The following PDGFC variants were observed in gnomAD, a reference collection of about 807,000 sequenced individuals.
PDGFC encodes the protein platelet-derived growth factor C.
A neutral mutation model predicts 35.5 loss-of-function variants in PDGFC; 12 were observed. That is an observed-to-expected ratio of 0.34 (90% CI 0.22 to 0.55). PDGFC has a LOEUF of 0.55. Among genes scored for constraint, PDGFC ranks in the 20% least tolerant of loss-of-function variants. The pLI, the probability that PDGFC is intolerant of heterozygous loss-of-function variation, is 0.91. For missense variants in PDGFC, 322 were observed against 412.4 expected, an observed-to-expected ratio of 0.78 and a Z score of 1.90; for synonymous variants, 159 against 148.8, an observed-to-expected ratio of 1.07 and a Z score of -0.50.
At chr4:156,950,766 T>C (rs1463745557) in intron 1 of PDGFC, among the ~76,000 whole-genome samples, 1 of 151,780 alleles carries the variant, frequency 6.6e-6, no homozygotes, top group Non-Finnish European at 1.5e-5. Context: ...AACTTCCAAA[T>C]GTTTATAATT....
chr4:156,897,133 G>A (rs773502763), intron 1 of PDGFC, among the ~76,000 whole-genome samples: 7 of 152,168 alleles, frequency 4.6e-5, no homozygotes, highest in Non-Finnish European at 1.0e-4. Flanking sequence ...ATTTGGGGAT[G>A]AAGAGGCAGT....
intron 1 of PDGFC, among the ~76,000 whole-genome samples, chr4:156,924,402 C>CA (rs775750430): frequency 3.2e-4 from 49 of 152,198 alleles, no homozygotes; most frequent in Non-Finnish European, 5.9e-4. Flanking sequence ...TCCTAGTTCT[C>CA]AAAATTCAGT....
At chr4:156,850,071 A>C in intron 2 of PDGFC, 150 bp downstream of exon 2, 1 of 476,818 alleles carries the variant, frequency 2.1e-6, no homozygotes, top group Non-Finnish European at 3.7e-6. Context: ...GACTTCAAAT[A>C]AAACATAGCT....
intron 1 of PDGFC, among the ~76,000 whole-genome samples, chr4:156,870,667 G>C (rs944954119): frequency 4.7e-5 from 7 of 148,814 alleles, no homozygotes; most frequent in Non-Finnish European, 1.0e-4. Flanking sequence ...TACAGGATGA[G>C]TGCTTCAAAA....
At chr4:156,840,154 T>A (rs960632140) in intron 2 of PDGFC, among the ~76,000 whole-genome samples, 1 of 152,116 alleles carries the variant, frequency 6.6e-6, no homozygotes, top group African/African-American at 2.4e-5. Context: ...GGGAAAAATG[T>A]CTCCAGGGAA....
At chr4:156,826,195 T>TTTTTTTTTTTTTTTG (rs1732472573) in intron 2 of PDGFC, among the ~76,000 whole-genome samples, 1 of 122,194 alleles carries the variant, frequency 8.2e-6, no homozygotes. Flanking sequence ...TTTTTTTTTT[T>TTTTTTTTTTTTTTTG]TTTTTTTTTT....
intron 1 of PDGFC, among the ~76,000 whole-genome samples, chr4:156,891,429 G>T (rs973831870): frequency 6.7e-6 from 1 of 149,572 alleles, no homozygotes; most frequent in East Asian, 2.1e-4. Context: ...ACACGCACAA[G>T]ATTTTTGGTA....
chr4:156,810,447 T>G (rs1012544475), intron 3 of PDGFC, among the ~76,000 whole-genome samples: 1 of 152,002 alleles, frequency 6.6e-6, no homozygotes, highest in Non-Finnish European at 1.5e-5. Context: ...ATGATTCTAT[T>G]ATTACTAAAT....
At chr4:156,770,275 A>G (rs745519367) in intron 4 of PDGFC, 1 of 151,962 alleles carries the variant, frequency 6.6e-6, no homozygotes, top group Non-Finnish European at 1.5e-5. Context: ...ATGAATGAAA[A>G]CCCTGAACTA....
chr4:156,818,552 G>T (rs559821155), intron 2 of PDGFC, among the ~76,000 whole-genome samples: 15 of 117,092 alleles, frequency 1.3e-4, no homozygotes, highest in Admixed American at 2.5e-4. Context: ...ACGGAGTCTC[G>T]CTCTGTCGCC....
At chr4:156,877,870 C>G (rs1257339028) in intron 1 of PDGFC, among the ~76,000 whole-genome samples, 1 of 152,114 alleles carries the variant, frequency 6.6e-6, no homozygotes, top group African/African-American at 2.4e-5. Context: ...TAGGTCTCAG[C>G]ACAAATGTCA....
chr4:156,775,756 G>C (rs2110828473), intron 3 of PDGFC, among the ~76,000 whole-genome samples: 2 of 152,282 alleles, frequency 1.3e-5, no homozygotes, highest in Middle Eastern at 3.4e-3. Context: ...GTGAAAGGTT[G>C]GGAGAAAAGC....
At chr4:156,911,267 T>G (rs1193339527) in intron 1 of PDGFC, among the ~76,000 whole-genome samples, 2 of 152,102 alleles carry the variant, frequency 1.3e-5, no homozygotes, top group African/African-American at 4.8e-5. Context: ...TATTTGAAAA[T>G]CTCTTACATC....
intron 2 of PDGFC, among the ~76,000 whole-genome samples, chr4:156,844,469 G>A (rs565806096): frequency 3.9e-5 from 6 of 151,958 alleles, no homozygotes; most frequent in South Asian, 2.1e-4. Context: ...AACAATCCAC[G>A]TACTAGATTA....
chr4:156,783,620 C>A (rs964202344), intron 3 of PDGFC, among the ~76,000 whole-genome samples: 1 of 152,094 alleles, frequency 6.6e-6, no homozygotes, highest in East Asian at 1.9e-4. Flanking sequence ...GCTGGTCGAC[C>A]TTTGTGATCC....
chr4:156,813,770 T>G (rs937314589), intron 2 of PDGFC, among the ~76,000 whole-genome samples: 3 of 152,116 alleles, frequency 2.0e-5, no homozygotes, highest in African/African-American at 7.2e-5. Context: ...GCTCGATGTC[T>G]CTTTAAAAAA....
At chr4:156,806,275 G>GA (rs1272257177) in intron 3 of PDGFC, among the ~76,000 whole-genome samples, 1 of 151,878 alleles carries the variant, frequency 6.6e-6, no homozygotes, top group African/African-American at 2.4e-5. Context: ...ATCAGGCAAA[G>GA]AAAAAGAGGG....
intron 1 of PDGFC, among the ~76,000 whole-genome samples, chr4:156,910,753 C>T (rs554445019): frequency 3.9e-5 from 6 of 152,066 alleles, no homozygotes; most frequent in Non-Finnish European, 8.8e-5. Context: ...GTGTGTGGTG[C>T]TATCTCATTG....
Position 156,808,825 on chromosome 4 carries a change from A to G in PDGFC, c.495+2012T>C, listed in dbSNP as rs78801789. On this transcript the variant is annotated intron_variant, in intron 3 of 5. Coordinates refer to ENST00000502773, the MANE Select transcript of PDGFC (RefSeq NM_016205.3). ...AATGTGGCTGTAAGTAGAGAGATGA[A>G]TGGATATATGGAACCAAGACAAAGG... Among the ~76,000 whole-genome samples the G allele has an allele frequency of 6.8e-3, 1,031 of 152,166 alleles. 16 individuals carry two copies. The highest frequency in any genetic ancestry group is 0.024 in the African/African-American group (995 of 41,548).
Sources: gnomAD v4.1 joint callset for allele counts (sites outside exome capture counted in the v4.1 genomes callset) on GRCh38, gnomAD v4.1.1 for gene constraint, MANE v1.5 for transcripts, NCBI Gene and HGNC (gene_info 2026-07-23, HGNC 2026-07-21) for gene names.